Variants in GNG7 observed in about 807,000 individuals in gnomAD.
GNG7 encodes G protein subunit gamma 7, also known as guanine nucleotide-binding protein G(I)/G(S)/G(O) subunit gamma-7.
In GNG7, 1 loss-of-function variant was observed where a neutral mutation model predicts 4.0. The ratio of observed to expected loss-of-function variants is 0.25; its 90% CI spans 0.09 to 1.18. The LOEUF is 1.18. GNG7 is among the 50% of genes most tolerant of loss of function. The pLI is 0.50. For synonymous variants in GNG7, 34 were observed against 36.9 expected (o/e 0.92, Z 0.29); for missense variants, 86 against 91.9 (o/e 0.94, Z 0.26).
At chr19:2,651,855 C>T (rs759209394) in intron 1 of GNG7, among the ~76,000 whole-genome samples, 2 of 151,738 alleles carry the variant, frequency 1.3e-5, no homozygotes, top group African/African-American at 2.4e-5. Context: ...CATGAGCCAC[C>T]GTGCCTGACC....
At chr19:2,662,762 T>G (rs1358342475) in intron 1 of GNG7, among the ~76,000 whole-genome samples, 2 of 152,126 alleles carry the variant, frequency 1.3e-5, no homozygotes, top group Non-Finnish European at 2.9e-5. Flanking sequence ...ATCGCGTCAC[T>G]GGCCACTGGT....
At chr19:2,650,870 G>C (rs141744774) in intron 1 of GNG7, among the ~76,000 whole-genome samples, 1 of 152,210 alleles carries the variant, frequency 6.6e-6, no homozygotes, top group African/African-American at 2.4e-5. Context: ...CTCCGCGGGG[G>C]TTAGGTCCCC....
At chr19:2,679,671 C>T (rs1186433490) in intron 1 of GNG7, among the ~76,000 whole-genome samples, 2 of 152,134 alleles carry the variant, frequency 1.3e-5, no homozygotes, top group African/African-American at 4.8e-5. Context: ...ATTCCAGAAC[C>T]CTCCATGATT....
chr19:2,600,503 G>A (rs1981167497), intron 2 of GNG7, among the ~76,000 whole-genome samples: 3 of 142,466 alleles, frequency 2.1e-5, no homozygotes, highest in East Asian at 4.1e-4. Flanking sequence ...ATGGAGTCTC[G>A]CTCTGTCACC....
At chr19:2,682,655 C>CAAAAAAA (rs745799326) in intron 1 of GNG7, among the ~76,000 whole-genome samples, 7 of 64,348 alleles carry the variant, frequency 1.1e-4, no homozygotes, top group African/African-American at 2.9e-4. Flanking sequence ...GACTCCATCT[C>CAAAAAAA]AAAAAAAAAA....
In GNG7 at chr19:2,513,644, G is replaced by A. The variant is rs537209834; in HGVS notation, c.*1378C>T. The stretch of plus-strand genomic sequence containing the variant: ...ACGGGGGTGGAAAAGCAAAAAGATC[G>A]GGTTCGAGCGACAGGGTAACGTTTT... On this transcript the variant is annotated 3_prime_UTR_variant, in exon 5 of 5. Transcript: ENST00000382159. The A allele has an allele frequency of 1.5e-5, 13 of 883,168 alleles. 1 individual carries two copies. Among genetic ancestry groups the A allele is most frequent in the South Asian group, 1.0e-4 (2 of 19,252 alleles). 54.7% of individuals were successfully genotyped at this position (883,168 alleles called of 1,614,324 possible).
intron 3 of GNG7, among the ~76,000 whole-genome samples, chr19:2,529,364 T>C (rs1315770276): frequency 6.6e-6 from 1 of 152,136 alleles, no homozygotes; most frequent in African/African-American, 2.4e-5. Context: ...ATTACAAGCA[T>C]GCGCCACCAC....
At chr19:2,527,688 C>T (rs2144734544) in intron 3 of GNG7, among the ~76,000 whole-genome samples, 1 of 152,298 alleles carries the variant, frequency 6.6e-6, no homozygotes, top group East Asian at 1.9e-4. Context: ...CTCCCTCTGG[C>T]TGGATCCTTT....
intron 1 of GNG7, among the ~76,000 whole-genome samples, chr19:2,657,319 G>T (rs1982999838): frequency 9.3e-6 from 1 of 107,684 alleles, no homozygotes; most frequent in Non-Finnish European, 1.8e-5. Flanking sequence ...GGGTGACAAA[G>T]CAAGACCCCG....
At chr19:2,553,912 C>T (rs1979458191) in intron 3 of GNG7, among the ~76,000 whole-genome samples, 1 of 139,676 alleles carries the variant, frequency 7.2e-6, no homozygotes, top group Admixed American at 7.4e-5. Flanking sequence ...CATACATGTG[C>T]ATATTGCATG....
intron 2 of GNG7, among the ~76,000 whole-genome samples, chr19:2,598,473 C>T (rs1489488332): frequency 3.8e-4 from 57 of 150,562 alleles, no homozygotes; most frequent in Non-Finnish European, 6.2e-4. Flanking sequence ...CTGGCTAACA[C>T]GGTGAAACCC....
chr19:2,590,512 T>C (rs894740375), intron 2 of GNG7, among the ~76,000 whole-genome samples: 23 of 148,492 alleles, frequency 1.5e-4, no homozygotes, highest in African/African-American at 4.4e-4. Context: ...CATCCATCCA[T>C]CCACCCACCC....
In GNG7 at chr19:2,524,375, C is replaced by A. The variant is rs1360462670; in HGVS notation, c.-37-3650G>T. On this transcript the variant is annotated intron_variant, in intron 3 of 4. Transcript: ENST00000382159. ...TATTTGCATGTATGTCAATGATGCA[C>A]ATGTGACTGTACACGTGTGTACACG... Among the ~76,000 whole-genome samples, 3 of 152,246 alleles carry A rather than the reference C, an allele frequency of 2.0e-5. No individual in the cohort carries two copies. In the East Asian group the frequency reaches 5.8e-4, roughly 29 times the overall value.
intron 3 of GNG7, among the ~76,000 whole-genome samples, chr19:2,534,972 A>G (rs545252517): frequency 6.6e-6 from 1 of 152,338 alleles, no homozygotes; most frequent in Admixed American, 6.5e-5. Context: ...GGTTCATTTC[A>G]TCCAGAAACA....
chr19:2,564,191 G>T (rs532667217), intron 2 of GNG7, among the ~76,000 whole-genome samples: 1 of 152,280 alleles, frequency 6.6e-6, no homozygotes, highest in South Asian at 2.1e-4. Flanking sequence ...CAGAGATGGG[G>T]TCTCTGCAGA....
At chr19:2,647,749 C>T (rs1348717576) in intron 1 of GNG7, among the ~76,000 whole-genome samples, 2 of 151,842 alleles carry the variant, frequency 1.3e-5, no homozygotes, top group Non-Finnish European at 2.9e-5. Flanking sequence ...CACATGGGGC[C>T]AGGCACGGTG....
At chr19:2,550,446 G>A (rs56055576) in intron 3 of GNG7, among the ~76,000 whole-genome samples, 106 of 152,208 alleles carry the variant, frequency 7.0e-4, no homozygotes, top group Non-Finnish European at 1.1e-3. Context: ...GGCTGGCCTT[G>A]AACTCCTGAC....
chr19:2,571,596 T>TTC (rs1425696417), intron 2 of GNG7, among the ~76,000 whole-genome samples: 4 of 133,566 alleles, frequency 3.0e-5, no homozygotes, highest in African/African-American at 5.8e-5. Flanking sequence ...TCCTTTTTTT[T>TTC]TTTTTTTTTT....
chr19:2,603,130 A>G (rs573984008), intron 2 of GNG7, among the ~76,000 whole-genome samples: 1 of 151,652 alleles, frequency 6.6e-6, no homozygotes, highest in Non-Finnish European at 1.5e-5. Context: ...ACAATAGCAC[A>G]GTCTTGCCTC....
Sources: gnomAD v4.1 joint callset for allele counts (sites outside exome capture counted in the v4.1 genomes callset) on GRCh38, gnomAD v4.1.1 for gene constraint, MANE v1.5 for transcripts, NCBI Gene and HGNC (gene_info 2026-07-23, HGNC 2026-07-21) for gene names.